ALPL: variants seen among roughly 807,000 people sequenced by gnomAD.
The protein encoded by ALPL is alkaline phosphatase, biomineralization associated.
Under a neutral mutation model 51.3 loss-of-function variants are expected in ALPL, and 42 were observed. The observed-to-expected ratio is 0.82, with a 90% CI of 0.64 to 1.06. ALPL has a LOEUF of 1.06. Ranked by LOEUF, ALPL falls within the 50% of genes least tolerant of loss-of-function variation. ALPL has a pLI of 0.00. For missense variants in ALPL, 589 were observed against 709.4 expected (o/e 0.83, Z 1.93); for synonymous variants, 279 against 296.4 (o/e 0.94, Z 0.60).
chr1:21,545,730 G>A (rs777866919), intron 1 of ALPL, among the ~76,000 whole-genome samples: 4 of 152,138 alleles, frequency 2.6e-5, no homozygotes, highest in Non-Finnish European at 4.4e-5. Flanking sequence ...AAGTGGCTGC[G>A]CTGGTTCCTA....
intron 1 of ALPL, among the ~76,000 whole-genome samples, chr1:21,525,590 G>A (rs540872194): frequency 6.6e-6 from 1 of 152,368 alleles, no homozygotes; most frequent in South Asian, 2.1e-4. Context: ...GGGTGCGGGA[G>A]GACATTCACT....
Position 21,564,350 on chromosome 1 carries a change from A to C in ALPL, c.648+134A>C. ...CACACACCTGGGAGGCTCCCAGCCC[A>C]TTAGGGGATTTGCGGTTGGGCAGGC... On this transcript the variant is annotated intron_variant, in intron 6 of 11. Coordinates refer to ENST00000374840, the MANE Select transcript of ALPL (RefSeq NM_000478.6). The surrounding 1 kb of genome is among the most constrained non-coding windows in gnomAD (Gnocchi z 5.8). 1 of 1,176,928 alleles carries C rather than the reference A, an allele frequency of 8.5e-7. No homozygotes were observed. The highest frequency in any genetic ancestry group is 1.2e-6 in the Non-Finnish European group (1 of 842,144). The allele number at this position is 1,176,928 out of a possible 1,614,324, so 72.9% of individuals were successfully genotyped here.
chr1:21,568,277 G>A (rs1277580959), intron 7 of ALPL, 30 bp downstream of exon 7: 2 of 1,613,750 alleles, frequency 1.2e-6, no homozygotes, highest in Admixed American at 1.7e-5. Context: ...TGTGGCTGCA[G>A]AGGTGGCCTG....
At chr1:21,537,200 T>C (rs1219025270) in intron 1 of ALPL, among the ~76,000 whole-genome samples, 2 of 152,164 alleles carry the variant, frequency 1.3e-5, no homozygotes, top group African/African-American at 4.8e-5. Flanking sequence ...CCGGCCAGGT[T>C]CCTTCCCTTC....
intron 11 of ALPL, 141 bp downstream of exon 11, chr1:21,576,782 A>T (rs973516954): frequency 1.7e-5 from 20 of 1,181,180 alleles, no homozygotes; most frequent in Non-Finnish European, 2.4e-5. Flanking sequence ...GTTGAGTCCC[A>T]GGTTGTTTGA....
rs139355216 is a variant in ALPL, at chr1:21,575,375, C to T, written c.998-358C>T. Among the ~76,000 whole-genome samples, 810 of 152,312 alleles carry T rather than the reference C, an allele frequency of 5.3e-3. 4 individuals carry two copies. The highest frequency in any genetic ancestry group is 7.6e-3 in the Non-Finnish European group (519 of 68,038). On this transcript the variant is annotated intron_variant, in intron 9 of 11. Transcript: ENST00000374840. The stretch of plus-strand genomic sequence containing the variant: ...GCCTGGCACATTGTAGGGATTCCAG[C>T]GTGCCCCCTTCCCTACCTCCCAAAG...
intron 2 of ALPL, among the ~76,000 whole-genome samples, chr1:21,558,860 A>T (rs1644447261): frequency 6.6e-6 from 1 of 152,204 alleles, no homozygotes; most frequent in South Asian, 2.1e-4. Flanking sequence ...AGGCTGGGGC[A>T]GAGCCACGGC....
intron 2 of ALPL, among the ~76,000 whole-genome samples, chr1:21,554,810 TGTCTGTCTTTC>T: frequency 7.8e-5 from 1 of 12,864 alleles, no homozygotes; most frequent in Admixed American, 1.1e-3. Flanking sequence ...TCTGTCTGTC[TGTCTGTCTTTC>T]TTTCTTTCTT....
In ALPL at chr1:21,578,277, A is replaced by G. The variant is rs1644769568; in HGVS notation, c.*629A>G. On this transcript the variant is annotated 3_prime_UTR_variant, in exon 12 of 12. Coordinates refer to ENST00000374840, the MANE Select transcript of ALPL (RefSeq NM_000478.6). The surrounding 1 kb of genome is among the most constrained non-coding windows in gnomAD (Gnocchi z 4.2). ...CAGGGCTCACACTCCTGGGCTCTGA[A>G]CACACACGCCAGCTCCTCTCTGAAG... 6.5e-6 allele frequency: 1 copy of G among 153,414 alleles called. No individual in the cohort carries two copies. The highest frequency in any genetic ancestry group is 1.5e-5 in the Non-Finnish European group (1 of 68,600). 9.5% of individuals were successfully genotyped at this position (153,414 alleles called of 1,614,324 possible). A position where few individuals can be genotyped will look rare whatever the true frequency, so the allele number is the denominator to read the frequency against.
intron 1 of ALPL, among the ~76,000 whole-genome samples, chr1:21,523,001 T>C (rs964978706): frequency 5.3e-5 from 8 of 152,122 alleles, no homozygotes; most frequent in Non-Finnish European, 5.9e-5. Context: ...ATAAGCTCAT[T>C]TGGGCTGGGC....
intron 1 of ALPL, among the ~76,000 whole-genome samples, chr1:21,521,756 G>C (rs1643885485): frequency 6.6e-6 from 1 of 152,180 alleles, no homozygotes. Context: ...GGTATGAGGT[G>C]CCCAGTGTCA....
Position 21,564,990 on chromosome 1 carries a change from C to A in ALPL, c.648+774C>A, listed in dbSNP as rs1644543169. ...CTTAAGTGAGAATGCCCGGCTCGTT[C>A]CTTTTCAGGCTTTTATTGCCTACTG... On this transcript the variant is annotated intron_variant, in intron 6 of 11. Transcript: ENST00000374840. This position sits in a 1 kb window ranked among gnomAD's most constrained non-coding sequence, Gnocchi z 5.8. Among the ~76,000 whole-genome samples, 1 of 152,188 alleles carries A rather than the reference C, an allele frequency of 6.6e-6. No homozygotes were observed. Among genetic ancestry groups the A allele is most frequent in the Admixed American group, 6.5e-5 (1 of 15,288 alleles).
Position 21,564,625 on chromosome 1 carries a change from G to A in ALPL, c.648+409G>A, listed in dbSNP as rs1644537559. On this transcript the variant is annotated intron_variant, in intron 6 of 11. Transcript: ENST00000374840. This position sits in a 1 kb window ranked among gnomAD's most constrained non-coding sequence, Gnocchi z 5.8. ...CCAGCATGCCCGGCAAAGAGCTGGTGTGTACAGTGGTTGGCTAGTGCCAGC... is the reference window on the plus strand; with the variant it reads ...CCAGCATGCCCGGCAAAGAGCTGGTATGTACAGTGGTTGGCTAGTGCCAGC... Among the ~76,000 whole-genome samples the A allele has an allele frequency of 6.6e-6, 1 of 152,218 alleles. No individual in the cohort carries two copies. Among genetic ancestry groups the A allele is most frequent in the South Asian group, 2.1e-4 (1 of 4,834 alleles).
intron 1 of ALPL, among the ~76,000 whole-genome samples, chr1:21,548,780 C>T (rs971001145): frequency 6.6e-6 from 1 of 152,130 alleles, no homozygotes; most frequent in African/African-American, 2.4e-5. Context: ...ACTGCCATTC[C>T]CACAGCTCAC....
At chr1:21,539,332 T>G (rs1570221616) in intron 1 of ALPL, among the ~76,000 whole-genome samples, 2 of 152,232 alleles carry the variant, frequency 1.3e-5, no homozygotes, top group South Asian at 4.1e-4. Context: ...ATAGGTAAAG[T>G]GTTTAGAACA....
At chr1:21,551,676 AC>A (rs1644322545) in intron 1 of ALPL, among the ~76,000 whole-genome samples, 1 of 125,252 alleles carries the variant, frequency 8.0e-6, no homozygotes, top group Non-Finnish European at 1.6e-5. Context: ...CCCAGCCCCT[AC>A]CCCAGAGCCG....
chr1:21,531,159 A>G (rs61433074), intron 1 of ALPL, among the ~76,000 whole-genome samples: 19,750 of 151,960 alleles, frequency 0.13, 1,854 homozygotes, highest in East Asian at 0.48. Flanking sequence ...GGGTTTCACC[A>G]TGTTGGCCAG....
rs1026792296 is a variant in ALPL, at chr1:21,566,067, G to T, written c.648+1851G>T. Among the ~76,000 whole-genome samples the T allele has an allele frequency of 7.2e-5, 11 of 152,066 alleles. No individual in the cohort carries two copies. The South Asian group carries it at 1.5e-3, about 20-fold the overall frequency. On this transcript the variant is annotated intron_variant, in intron 6 of 11. Coordinates refer to ENST00000374840, the MANE Select transcript of ALPL (RefSeq NM_000478.6). ...GCGGGGCAAGGGACCCGTGACCTGG[G>T]GTCCCCTTCTCCTTCTTCTCCCAGC...
intron 6 of ALPL, among the ~76,000 whole-genome samples, chr1:21,565,241 G>A (rs1256334): frequency 0.13 from 19,987 of 152,182 alleles, 1,540 homozygotes; most frequent in Non-Finnish European, 0.18. Context: ...TTCCCAGCAT[G>A]GTGGATTAAG....
Sources: allele counts gnomAD v4.1 joint callset (sites outside exome capture counted in the v4.1 genomes callset), GRCh38; gene constraint gnomAD v4.1.1; non-coding constraint Gnocchi (gnomAD v3.1); transcripts MANE v1.5; gene names NCBI Gene and HGNC (gene_info 2026-07-23, HGNC 2026-07-21).